The following HSD17B13 variants were observed in gnomAD, a reference collection of about 807,000 sequenced individuals.
The protein encoded by HSD17B13 is 17-beta-hydroxysteroid dehydrogenase 13.
A neutral mutation model predicts 31.1 loss-of-function variants in HSD17B13; 26 were observed. The ratio of observed to expected loss-of-function variants is 0.84; its 90% confidence interval spans 0.61 to 1.16. The LOEUF is 1.16. Among genes scored for constraint, HSD17B13 ranks in the 50% most tolerant of loss-of-function variants. HSD17B13 has a pLI of 0.00. For missense variants in HSD17B13, 374 were observed against 366.5 expected (o/e 1.02, Z -0.17); for synonymous variants, 141 against 133.7 (o/e 1.05, Z -0.38).
intron 6 of HSD17B13, among the ~76,000 whole-genome samples, chr4:87,307,005 C>T (rs1338781685): frequency 3.5e-5 from 5 of 144,226 alleles, no homozygotes; most frequent in Middle Eastern, 3.9e-3. Context: ...TTGAAAATCA[C>T]TTTGGTATTG....
Position 87,305,157 on chromosome 4 carries a change from C to T in HSD17B13, c.*61G>A, listed in dbSNP as rs1005818493. The T allele has an allele frequency of 1.9e-6, 2 of 1,062,824 alleles. No individual in the cohort carries two copies. 65.8% of individuals were successfully genotyped at this position (1,062,824 alleles called of 1,614,324 possible). On this transcript the variant is annotated 3_prime_UTR_variant, in exon 7 of 7. Transcript: ENST00000328546. The stretch of plus-strand genomic sequence containing the variant: ...AAAAATGTGAAATAAAGCTTTGCAG[C>T]ATTGATTCGAAACTATTCATATCAT...
At position 87,303,801 on chromosome 4, in the gene HSD17B13, G is replaced by A. The variant is rs1355563306; in HGVS notation, c.*1417C>T. 1 of 152,054 alleles carries A rather than the reference G, an allele frequency of 6.6e-6. No individual in the cohort carries two copies. The highest frequency in any genetic ancestry group is 1.5e-5 in the Non-Finnish European group (1 of 68,000). 9.4% of individuals were successfully genotyped at this position (152,054 alleles called of 1,614,324 possible). ...ACACTCATAGAGACAGAGTTTAGAA[G>A]TCAAACGTTTTATTTTATAACTACA... is the stretch of plus-strand genomic sequence containing the variant. On this transcript the variant is annotated 3_prime_UTR_variant, in exon 7 of 7. Coordinates refer to ENST00000328546, the MANE Select transcript of HSD17B13 (RefSeq NM_178135.5).
At chr4:87,317,756 G>A (rs1219740997) in intron 2 of HSD17B13, among the ~76,000 whole-genome samples, 3 of 151,140 alleles carry the variant, frequency 2.0e-5, no homozygotes, top group Non-Finnish European at 4.4e-5. Flanking sequence ...ATAACTACAT[G>A]ACCTGGGTCT....
intron 6 of HSD17B13, 122 bp downstream of exon 6, chr4:87,310,121 T>TGCCACTGCA (rs1218576221): frequency 8.9e-6 from 11 of 1,240,406 alleles, no homozygotes; most frequent in Non-Finnish European, 1.2e-5. Flanking sequence ...GCCAAGATCA[T>TGCCACTGCA]GCCACTGCAA....
At chr4:87,310,458 T>C (rs1578438118) in intron 5 of HSD17B13, 99 bp from the exon 6 acceptor site, 1 of 1,205,814 alleles carries the variant, frequency 8.3e-7, no homozygotes, top group East Asian at 3.3e-5. Flanking sequence ...TTACTAAATT[T>C]AGAATGAAGA....
intron 5 of HSD17B13, among the ~76,000 whole-genome samples, chr4:87,312,673 G>A (rs1171348268): frequency 6.6e-6 from 1 of 151,012 alleles, no homozygotes; most frequent in East Asian, 2.0e-4. Context: ...GGGACTACAG[G>A]CGCCCGCCAC....
chr4:87,314,031 C>A, intron 4 of HSD17B13, 71 bp from the exon 5 acceptor site: 1 of 1,282,760 alleles, frequency 7.8e-7, no homozygotes, highest in South Asian at 2.0e-5. Context: ...TGTGAGAAGG[C>A]GGTATCATTT....
At chr4:87,313,135 A>C (rs1192405700) in intron 5 of HSD17B13, among the ~76,000 whole-genome samples, 1 of 151,840 alleles carries the variant, frequency 6.6e-6, no homozygotes, top group Non-Finnish European at 1.5e-5. Context: ...ACCATGAAGG[A>C]CTCCAGTGGC....
At chr4:87,316,920 G>A (rs1734661634) in intron 3 of HSD17B13, among the ~76,000 whole-genome samples, 172 bp downstream of exon 3, 1 of 152,158 alleles carries the variant, frequency 6.6e-6, no homozygotes, top group African/African-American at 2.4e-5. Context: ...CTTGAATTCT[G>A]TGTCCTTGTG....
chr4:87,318,351 T>A lies in HSD17B13; in HGVS notation c.296A>T (p.Glu99Val). Residue 99 changes from glutamate to valine, a missense_variant, in exon 2 of 7, where the codon GAG becomes GTG. Physicochemically the swap from Glu to Val is moderately radical, Grantham distance 121. Transcript: ENST00000328546. ...CACCTGATTTAGAGAGCGATAGATCTCTTCTCTGTTGCTGCAGTCTACCAC... is the reference window on the plus strand; with the variant it reads ...CACCTGATTTAGAGAGCGATAGATCACTTCTCTGTTGCTGCAGTCTACCAC... ...AYVVDCSNRE[E>V]IYRSLNQVKK... 6.2e-7 allele frequency: 1 copy of A among 1,612,236 alleles called. No homozygotes were observed. The highest frequency in any genetic ancestry group is 1.7e-4 in the Middle Eastern group (1 of 5,976).
intron 6 of HSD17B13, among the ~76,000 whole-genome samples, chr4:87,307,603 T>G (rs1472375685): frequency 6.6e-6 from 1 of 152,128 alleles, no homozygotes; most frequent in Admixed American, 6.5e-5. Context: ...ATCTCCGCCT[T>G]CCGGGTTCAA....
In HSD17B13 at chr4:87,317,566, T is replaced by TTTTTTTTTTTC. The variant is rs1239059241; in HGVS notation, c.319-344_319-343insGAAAAAAAAAA. Among the ~76,000 whole-genome samples, 881 of 112,022 alleles carry TTTTTTTTTTTC rather than the reference T, an allele frequency of 7.9e-3. 91 individuals carry two copies. Among genetic ancestry groups the TTTTTTTTTTTC allele is most frequent in the African/African-American group, 0.036 (835 of 23,116 alleles). 73.5% of individuals were successfully genotyped at this position (112,022 alleles called of 152,430 possible). ...TAAAAATGTGTTTTTCTTTAAACTT[T>TTTTTTTTTTTC]TTTTTTTTTTTTTTTTTTTTTTTTT... On this transcript the variant is annotated intron_variant, in intron 2 of 6. Transcript: ENST00000328546.
At chr4:87,317,998 C>A (rs13112695) in intron 2 of HSD17B13, among the ~76,000 whole-genome samples, 126,882 of 152,068 alleles carry the variant, frequency 0.83, 53,505 homozygotes, top group African/African-American at 0.94. Context: ...TAAAGAGAAG[C>A]TGGAATTACT....
rs1734475491 is a variant in HSD17B13 at position 87,309,402 on chromosome 4, A to G, written c.812+841T>C. On this transcript the variant is annotated intron_variant, in intron 6 of 6. Transcript: ENST00000328546. ...TCTGTCTCAAAAAAAAAAAAAAAAA[A>G]AAAAAAAAGAACCCGTGAAATACTT... Among the ~76,000 whole-genome samples, 3 of 146,780 alleles carry G rather than the reference A, an allele frequency of 2.0e-5. No individual in the cohort carries two copies. In the South Asian group the frequency reaches 6.3e-4, roughly 31 times the overall value.
At chr4:87,321,135 T>G (rs775921156) in intron 1 of HSD17B13, among the ~76,000 whole-genome samples, 1 of 152,128 alleles carries the variant, frequency 6.6e-6, no homozygotes, top group Non-Finnish European at 1.5e-5. Context: ...ACTGAAACGA[T>G]CCTCCCACCT....
At chr4:87,313,755 C>T in intron 5 of HSD17B13, 68 bp downstream of exon 5, 2 of 1,343,552 alleles carry the variant, frequency 1.5e-6, no homozygotes, top group South Asian at 1.4e-5. Context: ...CCTGCCTAAA[C>T]ATTTCTCATT....
intron 5 of HSD17B13, among the ~76,000 whole-genome samples, chr4:87,312,417 A>T (rs1438759054): frequency 6.6e-6 from 1 of 152,114 alleles, no homozygotes; most frequent in African/African-American, 2.4e-5. Flanking sequence ...CCCCACTATC[A>T]GAACAGTTCA....
intron 4 of HSD17B13, among the ~76,000 whole-genome samples, chr4:87,315,119 G>A (rs1734621127): frequency 6.6e-6 from 1 of 151,592 alleles, no homozygotes; most frequent in Non-Finnish European, 1.5e-5. Context: ...GCTATGACAG[G>A]AAATATCCTC....
At chr4:87,307,024 T>C (rs1395978990) in intron 6 of HSD17B13, among the ~76,000 whole-genome samples, 5 of 151,000 alleles carry the variant, frequency 3.3e-5, no homozygotes, top group Non-Finnish European at 7.4e-5. Flanking sequence ...TGTTGACTAA[T>C]GCAAGATTTA....
Sources: allele counts gnomAD v4.1 joint callset (sites outside exome capture counted in the v4.1 genomes callset), GRCh38; gene constraint gnomAD v4.1.1; transcripts MANE v1.5; gene names NCBI Gene and HGNC (gene_info 2026-07-23, HGNC 2026-07-21).